The following PRKCE variants were observed in gnomAD, a reference collection of about 807,000 sequenced individuals.
PRKCE encodes the protein protein kinase C epsilon type.
In PRKCE, 16 loss-of-function variants were observed where a neutral mutation model predicts 85.4. The observed-to-expected ratio is 0.19, with a 90% confidence interval of 0.13 to 0.28. The LOEUF (loss-of-function observed/expected upper bound fraction) is 0.28, where lower values mean the gene tolerates loss of function less well. Among genes scored for constraint, PRKCE ranks in the 10% least tolerant of loss-of-function variants. The pLI, the probability that PRKCE is intolerant of heterozygous loss-of-function variation, is 1.00. For synonymous variants in PRKCE, 388 were observed against 371.5 expected (o/e 1.04, Z -0.51); for missense variants, 573 against 975.2 (o/e 0.59, Z 5.49).
At chr2:46,089,879 A>T (rs903384481) in intron 11 of PRKCE, among the ~76,000 whole-genome samples, 2 of 151,976 alleles carry the variant, frequency 1.3e-5, no homozygotes, top group Non-Finnish European at 2.9e-5. Context: ...CCCAAATACC[A>T]TTGCCTCTCA....
chr2:45,935,057 A>ACT (rs764371155), intron 2 of PRKCE, among the ~76,000 whole-genome samples: 35 of 146,216 alleles, frequency 2.4e-4, no homozygotes, highest in Middle Eastern at 3.5e-3. Context: ...CGAGACACTC[A>ACT]CTCTCTCTCT....
At chr2:46,148,867 T>C (rs1231557598) in intron 12 of PRKCE, among the ~76,000 whole-genome samples, 2 of 152,186 alleles carry the variant, frequency 1.3e-5, no homozygotes, top group Non-Finnish European at 2.9e-5. Flanking sequence ...GGAGTTGGCA[T>C]TGGCTTTGGA....
At chr2:45,736,320 T>C (rs1053603548) in intron 1 of PRKCE, among the ~76,000 whole-genome samples, 2 of 152,144 alleles carry the variant, frequency 1.3e-5, no homozygotes, top group Non-Finnish European at 2.9e-5. Context: ...AGAGATTAAG[T>C]CACTTGCCCC....
chr2:45,939,292 A>T (rs944866391), intron 2 of PRKCE, among the ~76,000 whole-genome samples: 1 of 152,158 alleles, frequency 6.6e-6, no homozygotes, highest in Admixed American at 6.5e-5. Context: ...GTGACAAGAG[A>T]TGGGCTTGTC....
chr2:45,942,761 A>C (rs1699976052), intron 2 of PRKCE, among the ~76,000 whole-genome samples: 1 of 152,244 alleles, frequency 6.6e-6, no homozygotes, highest in African/African-American at 2.4e-5. Flanking sequence ...TTTTTCAACA[A>C]TAAAATGAAT....
intron 2 of PRKCE, among the ~76,000 whole-genome samples, chr2:45,954,568 A>G (rs1019821954): frequency 6.6e-6 from 1 of 152,232 alleles, no homozygotes; most frequent in African/African-American, 2.4e-5. Context: ...GGAAACATTC[A>G]TAGAGGGTAC....
At chr2:45,745,240 G>A (rs760693967) in intron 1 of PRKCE, among the ~76,000 whole-genome samples, 2 of 152,164 alleles carry the variant, frequency 1.3e-5, no homozygotes, top group Admixed American at 6.5e-5. Flanking sequence ...GACAGATGGT[G>A]GTGGAGAGCA....
At chr2:45,913,962 C>T (rs1283679108) in intron 2 of PRKCE, among the ~76,000 whole-genome samples, 2 of 152,194 alleles carry the variant, frequency 1.3e-5, no homozygotes, top group East Asian at 1.9e-4. Context: ...TTTTTATCCT[C>T]GATGCAGAAT....
chr2:45,871,307 T>G (rs977979008), intron 2 of PRKCE, among the ~76,000 whole-genome samples: 1 of 152,162 alleles, frequency 6.6e-6, no homozygotes, highest in Non-Finnish European at 1.5e-5. Context: ...GTCATGCAGG[T>G]TCACACGTGC....
At chr2:45,677,719 T>G in intron 1 of PRKCE, 1 of 238,338 alleles carries the variant, frequency 4.2e-6, no homozygotes, top group Non-Finnish European at 6.8e-6. Context: ...GGAAACTGCT[T>G]TAGGTATTTA....
intron 1 of PRKCE, among the ~76,000 whole-genome samples, chr2:45,700,228 G>A (rs1678515815): frequency 6.6e-6 from 1 of 151,968 alleles, no homozygotes; most frequent in Non-Finnish European, 1.5e-5. Flanking sequence ...AATATAGAGA[G>A]GTCTTTTTTC....
chr2:46,004,887 G>A lies in PRKCE; in HGVS notation c.1063+249G>A, dbSNP rs1261825074. On this transcript the variant is annotated intron_variant, in intron 8 of 14. Transcript: ENST00000306156. This position sits in a 1 kb window ranked among gnomAD's most constrained non-coding sequence, Gnocchi z 4.1. The stretch of plus-strand genomic sequence containing the variant: ...AGGCCAGGGTAAGAGGAGAGCGAGT[G>A]TATGATGTTATGGTTATCTGTTTTC... Among the ~76,000 whole-genome samples the A allele has an allele frequency of 6.6e-6, 1 of 152,068 alleles. No homozygotes were observed. The highest frequency in any genetic ancestry group is 2.4e-5 in the African/African-American group (1 of 41,388).
intron 10 of PRKCE, among the ~76,000 whole-genome samples, chr2:46,063,865 G>A (rs1667374080): frequency 6.6e-6 from 1 of 152,170 alleles, no homozygotes; most frequent in African/African-American, 2.4e-5. Context: ...AGAGAAGGGT[G>A]GAGTATTCAT....
chr2:45,769,216 T>G (rs1685128155), intron 1 of PRKCE, among the ~76,000 whole-genome samples: 2 of 152,218 alleles, frequency 1.3e-5, no homozygotes, highest in African/African-American at 4.8e-5. Flanking sequence ...TGTATACTCT[T>G]GACAAAAGTC....
intron 6 of PRKCE, among the ~76,000 whole-genome samples, chr2:45,997,074 T>G (rs1704279279): frequency 6.6e-6 from 1 of 152,178 alleles, no homozygotes; most frequent in Non-Finnish European, 1.5e-5. Flanking sequence ...ATTAGTCTCA[T>G]TTTGTGTGGG....
At position 46,004,366 on chromosome 2, in the gene PRKCE, G is replaced by A; in HGVS notation, c.967-176G>A. 1 of 575,810 alleles carries A rather than the reference G, an allele frequency of 1.7e-6. No individual in the cohort carries two copies. The highest frequency in any genetic ancestry group is 1.9e-5 in the South Asian group (1 of 52,562). The allele number at this position is 575,810 out of a possible 1,614,324, so 35.7% of individuals were successfully genotyped here. On this transcript the variant is annotated intron_variant, in intron 7 of 14. Transcript: ENST00000306156. The surrounding 1 kb of genome is among the most constrained non-coding windows in gnomAD (Gnocchi z 4.1). ...CTTGCTCTGGTCAGACGTCACAGAG[G>A]GATCGAACTTCATTTTGGCTACTTT...
intron 11 of PRKCE, among the ~76,000 whole-genome samples, chr2:46,108,810 G>C (rs1375057): frequency 0.39 from 59,473 of 151,932 alleles, 12,673 homozygotes; most frequent in East Asian, 0.53. Context: ...GTGTTTTATT[G>C]TAGAAGTTTT....
chr2:45,725,883 C>G (rs1188961054), intron 1 of PRKCE, among the ~76,000 whole-genome samples: 9 of 151,758 alleles, frequency 5.9e-5, no homozygotes, highest in African/African-American at 1.9e-4. Context: ...ATTCATGATG[C>G]ATGGGAGGAG....
At chr2:45,825,535 GCAGA>G (rs1167154379) in intron 1 of PRKCE, among the ~76,000 whole-genome samples, 4 of 152,242 alleles carry the variant, frequency 2.6e-5, no homozygotes, top group Middle Eastern at 3.4e-3. Flanking sequence ...TGCAAAAAGT[GCAGA>G]CAGTTAGTTC....
Sources: gnomAD v4.1 joint callset for allele counts (sites outside exome capture counted in the v4.1 genomes callset) on GRCh38, gnomAD v4.1.1 for gene constraint, Gnocchi (gnomAD v3.1) non-coding constraint, MANE v1.5 for transcripts, NCBI Gene and HGNC (gene_info 2026-07-23, HGNC 2026-07-21) for gene names.